The following BPIFB2 variants were observed in gnomAD, a reference collection of about 807,000 sequenced individuals.
BPIFB2 encodes BPI fold containing family B member 2.
BPIFB2 carries 39 observed loss-of-function variants against 50.1 expected under a neutral mutation model. That is an observed-to-expected ratio of 0.78 (90% CI 0.60 to 1.02). BPIFB2 has a LOEUF of 1.02. Ranked by LOEUF, BPIFB2 falls within the 50% of genes least tolerant of loss-of-function variation. The probability of loss-of-function intolerance (pLI) is 0.00; values close to 1 mark genes in which losing one functional copy is unlikely to be tolerated. For synonymous variants in BPIFB2, 280 were observed against 256.3 expected (o/e 1.09, Z -0.88); for missense variants, 574 against 585.8 (o/e 0.98, Z 0.21).
intron 11 of BPIFB2, 134 bp downstream of exon 11, chr20:33,019,884 C>T: frequency 8.4e-7 from 1 of 1,192,964 alleles, no homozygotes; most frequent in East Asian, 2.7e-5. Context: ...GACACTCCCG[C>T]CCCAGGACCT....
Position 33,023,564 on chromosome 20 carries a change from T to G in BPIFB2, c.*181T>G. 1.5e-6 allele frequency: 1 copy of G among 676,602 alleles called. No individual in the cohort carries two copies. Among genetic ancestry groups the G allele is most frequent in the Non-Finnish European group, 2.6e-6 (1 of 383,580 alleles). The allele number at this position is 676,602 out of a possible 1,614,324, so 41.9% of individuals were successfully genotyped here. Reference sequence around the variant, plus strand: ...GGTCTCCCTCCCTCACTTCTGCCCTTTCCCTTCCTCCTCCTCTTCTCCTCC... The same window carrying G: ...GGTCTCCCTCCCTCACTTCTGCCCTGTCCCTTCCTCCTCCTCTTCTCCTCC... On this transcript the variant is annotated 3_prime_UTR_variant, in exon 16 of 16. Transcript: ENST00000170150.
In BPIFB2 at chr20:33,012,914, G is replaced by A. The variant is rs760500106; in HGVS notation, c.308+7G>A. 119 of 1,602,458 alleles carry A rather than the reference G, an allele frequency of 7.4e-5. 2 individuals carry two copies. In the South Asian group the frequency reaches 1.2e-3, roughly 16 times the overall value. The stretch of plus-strand genomic sequence containing the variant: ...TTACTTTCAAGGTCTTTCGGTGAGC[G>A]GATCTCCTTGTTAGGGGGTGAGAAG... On this transcript the variant is annotated splice_region_variant and intron_variant, in intron 4 of 15. Coordinates refer to ENST00000170150, the MANE Select transcript of BPIFB2 (RefSeq NM_025227.3).
chr20:33,013,042 T>C, intron 4 of BPIFB2, 135 bp downstream of exon 4: 1 of 671,834 alleles, frequency 1.5e-6, no homozygotes, highest in East Asian at 2.8e-5. Context: ...TTGCTCTCTC[T>C]CCCCTCACGC....
chr20:33,020,437 T>C (rs774364435), intron 12 of BPIFB2, 42 bp downstream of exon 12: 4 of 1,610,170 alleles, frequency 2.5e-6, no homozygotes, highest in Non-Finnish European at 3.4e-6. Context: ...AGTGTGTTCT[T>C]CTGTGCCATG....
intron 3 of BPIFB2, among the ~76,000 whole-genome samples, chr20:33,012,183 G>A (rs947898144): frequency 1.3e-5 from 2 of 152,240 alleles, no homozygotes; most frequent in African/African-American, 4.8e-5. Flanking sequence ...GACCAAAGAT[G>A]CCTAAATCAC....
At chr20:33,020,857 T>A (rs1448909309) in intron 13 of BPIFB2, among the ~76,000 whole-genome samples, 1 of 152,188 alleles carries the variant, frequency 6.6e-6, no homozygotes, top group Non-Finnish European at 1.5e-5. Context: ...AGCCAGGTGA[T>A]GTGATTGGGT....
In BPIFB2 at chr20:33,009,433, C is replaced by A. The variant is rs1279303976; in HGVS notation, c.109+750C>A. 6.6e-6 allele frequency among the ~76,000 whole-genome samples: 1 copy of A among 152,180 alleles called. No individual in the cohort carries two copies. Among genetic ancestry groups the A allele is most frequent in the Admixed American group, 6.5e-5 (1 of 15,284 alleles). ...TCCCGGTGAGAATTTGGTTTCCCAC[C>A]AAAGCCAGGAGATCAGAAGCGGTTT... is the stretch of plus-strand genomic sequence containing the variant. On this transcript the variant is annotated intron_variant, in intron 2 of 15. Transcript: ENST00000170150. The surrounding 1 kb of genome is among the most constrained non-coding windows in gnomAD (Gnocchi z 4.2).
At position 33,021,776 on chromosome 20, in the gene BPIFB2, G is replaced by C; in HGVS notation, c.1312G>C (p.Ala438Pro). ...TGGTGTGGTCAACCTCCACTATGTC[G>C]CCCCTGAGATCTTTGTCTATGAGGT... ...LPGVVNLHYVAPEIFVYEGYV... is the reference protein window; with the variant it reads ...LPGVVNLHYVPPEIFVYEGYV... The change falls in exon 15 of 16, where the codon GCC (alanine) becomes CCC (proline). Residue 438 changes from alanine (A) to proline (P), a missense_variant. By Grantham distance (27) the Ala-to-Pro change is conservative. Coordinates refer to ENST00000170150, the MANE Select transcript of BPIFB2 (RefSeq NM_025227.3). 2 of 1,613,928 alleles carry C rather than the reference G, an allele frequency of 1.2e-6. No homozygotes were observed. Among genetic ancestry groups the C allele is most frequent in the South Asian group, 2.2e-5 (2 of 91,060 alleles).
At chr20:33,011,241 C>G in intron 3 of BPIFB2, 124 bp downstream of exon 3, 1 of 860,682 alleles carries the variant, frequency 1.2e-6, no homozygotes, top group Non-Finnish European at 1.8e-6. Flanking sequence ...CTCCTATCCA[C>G]GGGGCAAAGT....
At chr20:33,021,600 G>C in intron 14 of BPIFB2, 123 bp from the exon 15 acceptor site, 1 of 1,044,894 alleles carries the variant, frequency 9.6e-7, no homozygotes. Context: ...TTCTGTAAAA[G>C]GGGTATAACA....
In BPIFB2 at chr20:33,015,424, T is replaced by A; in HGVS notation, c.456-12T>A. The stretch of plus-strand genomic sequence containing the variant: ...TGGGAGCCCAGGAACTCTTTCTGTG[T>A]TTCTCCCTCAGCACCTCCCACGCGC... On this transcript the variant is annotated splice_polypyrimidine_tract_variant and intron_variant, in intron 5 of 15. Transcript: ENST00000170150. The A allele has an allele frequency of 1.2e-6, 2 of 1,610,288 alleles. No individual in the cohort carries two copies. The highest frequency in any genetic ancestry group is 1.3e-5 in the African/African-American group (1 of 74,596).
In BPIFB2 at chr20:33,023,686, ACTT is replaced by A. The variant is rs1167885528; in HGVS notation, c.*306_*308del. ...TAGACCTGCCCTCTTGCATTAAACA[ACTT>A]CTCTTGAGCTGCAACTTTCAGCCAA... On this transcript the variant is annotated 3_prime_UTR_variant, in exon 16 of 16. Coordinates refer to ENST00000170150, the MANE Select transcript of BPIFB2 (RefSeq NM_025227.3). 7 of 462,342 alleles carry A rather than the reference ACTT, an allele frequency of 1.5e-5. No homozygotes were observed. Among genetic ancestry groups the A allele is most frequent in the South Asian group, 2.6e-5 (1 of 37,838 alleles). 28.6% of individuals were successfully genotyped at this position (462,342 alleles called of 1,614,324 possible). A position where few individuals can be genotyped will look rare whatever the true frequency, so the allele number is the denominator to read the frequency against.
At chr20:33,011,553 T>C (rs1990288573) in intron 3 of BPIFB2, among the ~76,000 whole-genome samples, 1 of 152,164 alleles carries the variant, frequency 6.6e-6, no homozygotes, top group African/African-American at 2.4e-5. Flanking sequence ...ATCCCAAACT[T>C]AGACACCCCT....
At chr20:33,011,432 G>A (rs574343271) in intron 3 of BPIFB2, among the ~76,000 whole-genome samples, 2 of 152,316 alleles carry the variant, frequency 1.3e-5, no homozygotes, top group South Asian at 2.1e-4. Flanking sequence ...AGGGCTGGCA[G>A]GACCCTCTGT....
intron 15 of BPIFB2, among the ~76,000 whole-genome samples, chr20:33,022,301 A>G (rs1263339403): frequency 3.9e-5 from 6 of 152,358 alleles, no homozygotes; most frequent in East Asian, 1.9e-4. Flanking sequence ...AGACATGCCT[A>G]GGACAGAAAG....
At chr20:33,010,259 A>G (rs1037801703) in intron 2 of BPIFB2, among the ~76,000 whole-genome samples, 3 of 152,354 alleles carry the variant, frequency 2.0e-5, no homozygotes, top group Admixed American at 2.0e-4. Flanking sequence ...GTCCAAAGCC[A>G]GCTTTCCCTG....
intron 2 of BPIFB2, among the ~76,000 whole-genome samples, chr20:33,010,232 G>A (rs1228672109): frequency 6.6e-6 from 1 of 152,106 alleles, no homozygotes; most frequent in East Asian, 1.9e-4. Flanking sequence ...CCAGAGGCTC[G>A]GGAGCCAGGT....
chr20:33,015,001 G>T (rs1978364059), intron 5 of BPIFB2, among the ~76,000 whole-genome samples: 1 of 152,174 alleles, frequency 6.6e-6, no homozygotes, highest in Non-Finnish European at 1.5e-5. Flanking sequence ...TGTTTAGAGG[G>T]GAAACGGAGG....
chr20:33,017,498 G>A (rs1442735641), intron 7 of BPIFB2, among the ~76,000 whole-genome samples: 1 of 152,214 alleles, frequency 6.6e-6, no homozygotes, highest in Non-Finnish European at 1.5e-5. Flanking sequence ...ACAGGCATGA[G>A]CCACCACCCC....
Sources: gnomAD v4.1 joint callset for allele counts (sites outside exome capture counted in the v4.1 genomes callset) on GRCh38, gnomAD v4.1.1 for gene constraint, Gnocchi (gnomAD v3.1) non-coding constraint, MANE v1.5 for transcripts, NCBI Gene and HGNC (gene_info 2026-07-23, HGNC 2026-07-21) for gene names.